SLC24A2: variants seen among roughly 807,000 people sequenced by gnomAD.
SLC24A2 encodes the protein sodium/potassium/calcium exchanger 2.
Under a neutral mutation model 62.0 loss-of-function variants are expected in SLC24A2, and 36 were observed. That is an observed-to-expected ratio of 0.58 (90% CI 0.44 to 0.77). SLC24A2 has a LOEUF of 0.77. Among genes scored for constraint, SLC24A2 ranks in the 30% least tolerant of loss-of-function variants. The pLI is 0.00. For missense variants in SLC24A2, 846 were observed against 817.9 expected (o/e 1.03, Z -0.42); for synonymous variants, 358 against 294.0 (o/e 1.22, Z -2.23).
intron 4 of SLC24A2, among the ~76,000 whole-genome samples, chr9:19,600,162 T>G (rs1229961936): frequency 6.6e-6 from 1 of 152,166 alleles, no homozygotes; most frequent in East Asian, 1.9e-4. Flanking sequence ...GCCACACAGA[T>G]GGAGAAGAAA....
chr9:20,165,053 G>A, the SLC24A2 span, among the ~76,000 whole-genome samples: 1 of 150,796 alleles, frequency 6.6e-6, no homozygotes. Flanking sequence ...GTTAATGGGT[G>A]CAGCACACCA....
chr9:19,623,154 G>A (rs1040321935), intron 2 of SLC24A2, among the ~76,000 whole-genome samples: 9 of 152,082 alleles, frequency 5.9e-5, no homozygotes, highest in Admixed American at 2.6e-4. Flanking sequence ...CTCCTTCTTC[G>A]CCAGAACCGG....
chr9:20,034,210 G>T, the SLC24A2 span, among the ~76,000 whole-genome samples: 4 of 152,100 alleles, frequency 2.6e-5, no homozygotes, highest in Admixed American at 2.6e-4. Flanking sequence ...TTTCAACCTG[G>T]ATAAAATATT....
the SLC24A2 span, chr9:19,895,695 C>T: frequency 2.0e-6 from 2 of 989,332 alleles, no homozygotes; most frequent in Non-Finnish European, 3.0e-6. Flanking sequence ...TTGCACTGTT[C>T]ATTGGGTGGC....
At chr9:20,167,053 A>C in the SLC24A2 span, among the ~76,000 whole-genome samples, 11 of 151,896 alleles carry the variant, frequency 7.2e-5, no homozygotes, top group African/African-American at 2.4e-4. Context: ...AGGCCCAAGC[A>C]ATCTATACAC....
chr9:20,003,833 C>A, the SLC24A2 span, among the ~76,000 whole-genome samples: 1 of 151,604 alleles, frequency 6.6e-6, no homozygotes, highest in East Asian at 1.9e-4. Flanking sequence ...CTTGCCAATG[C>A]CTAGTACTAT....
the SLC24A2 span, among the ~76,000 whole-genome samples, chr9:20,232,728 T>A: frequency 6.6e-6 from 1 of 152,246 alleles, no homozygotes; most frequent in African/African-American, 2.4e-5. Flanking sequence ...TTTGTGTCTC[T>A]ATTTCCTTCA....
rs1832904194 is a variant in SLC24A2, at chr9:19,515,937, T to C, written c.*216A>G. On this transcript the variant is annotated 3_prime_UTR_variant, in exon 11 of 11. Coordinates refer to ENST00000341998, the MANE Select transcript of SLC24A2 (RefSeq NM_020344.4). Reference sequence around the variant, plus strand: ...GAAGCCCTGTATTGACGGTTCTCTTTGTCTTTTACATGAAGTCATTTCAGT... The same window carrying C: ...GAAGCCCTGTATTGACGGTTCTCTTCGTCTTTTACATGAAGTCATTTCAGT... 1.2e-5 allele frequency: 7 copies of C among 604,182 alleles called. No individual in the cohort carries two copies. The Admixed American group carries it at 1.6e-4, about 14-fold the overall frequency. The allele number at this position is 604,182 out of a possible 1,614,324, so 37.4% of individuals were successfully genotyped here.
intron 2 of SLC24A2, among the ~76,000 whole-genome samples, chr9:19,751,677 G>C (rs1821989322): frequency 6.6e-6 from 1 of 152,186 alleles, no homozygotes; most frequent in Admixed American, 6.5e-5. Flanking sequence ...GGCCCCAAGT[G>C]TCCCACCAAG....
chr9:19,923,839 C>T, the SLC24A2 span, among the ~76,000 whole-genome samples: 1 of 152,294 alleles, frequency 6.6e-6, no homozygotes, highest in South Asian at 2.1e-4. Context: ...TCTCCGCCTC[C>T]CAGGTTCAAG....
the SLC24A2 span, among the ~76,000 whole-genome samples, chr9:20,100,970 C>A: frequency 6.6e-6 from 1 of 152,164 alleles, no homozygotes; most frequent in Non-Finnish European, 1.5e-5. Context: ...ACAGTGGTAA[C>A]TTGTGCAAGT....
chr9:20,217,148 A>G, the SLC24A2 span, among the ~76,000 whole-genome samples: 1 of 152,222 alleles, frequency 6.6e-6, no homozygotes, highest in East Asian at 1.9e-4. Context: ...AGAATGAAAA[A>G]TCTGTACCTA....
the SLC24A2 span, among the ~76,000 whole-genome samples, chr9:20,285,984 T>C: frequency 6.6e-6 from 1 of 152,200 alleles, no homozygotes; most frequent in African/African-American, 2.4e-5. Flanking sequence ...ATTTCTGTTG[T>C]TTAAGACACC....
chr9:19,542,647 G>A (rs1212871898), intron 8 of SLC24A2, among the ~76,000 whole-genome samples: 2 of 152,130 alleles, frequency 1.3e-5, no homozygotes, highest in South Asian at 2.1e-4. Flanking sequence ...TAGGATGAAG[G>A]GTGTTGAATT....
chr9:19,644,596 C>T (rs1448347404), intron 2 of SLC24A2, among the ~76,000 whole-genome samples: 3 of 152,194 alleles, frequency 2.0e-5, no homozygotes, highest in Non-Finnish European at 4.4e-5. Context: ...ATTTATCGTG[C>T]TGCCCTCTAT....
chr9:19,867,737 G>C, the SLC24A2 span, among the ~76,000 whole-genome samples: 1 of 151,984 alleles, frequency 6.6e-6, no homozygotes, highest in Non-Finnish European at 1.5e-5. Context: ...GTGAAACCCC[G>C]TCTCTACTAA....
chr9:19,802,810 ATGTG>A, the SLC24A2 span, among the ~76,000 whole-genome samples: 2 of 152,218 alleles, frequency 1.3e-5, no homozygotes, highest in Admixed American at 1.3e-4. Flanking sequence ...TATGGTCTGA[ATGTG>A]TGTGTACCTC....
At chr9:19,746,628 T>C (rs1327406) in intron 2 of SLC24A2, among the ~76,000 whole-genome samples, 37,858 of 152,090 alleles carry the variant, frequency 0.25, 4,733 homozygotes, top group Middle Eastern at 0.32. Context: ...GAATTATTTT[T>C]CCCTGATTCT....
At chr9:19,589,331 G>T (rs1363438761) in intron 5 of SLC24A2, among the ~76,000 whole-genome samples, 1 of 152,216 alleles carries the variant, frequency 6.6e-6, no homozygotes, top group Non-Finnish European at 1.5e-5. Flanking sequence ...GATGTGGAAA[G>T]ATCTCCAAGA....
Sources: gnomAD v4.1 joint callset for allele counts (sites outside exome capture counted in the v4.1 genomes callset) on GRCh38, gnomAD v4.1.1 for gene constraint, MANE v1.5 for transcripts, NCBI Gene and HGNC (gene_info 2026-07-23, HGNC 2026-07-21) for gene names.